Variants in PTPRD observed in about 807,000 individuals in gnomAD.
PTPRD encodes receptor-type tyrosine-protein phosphatase delta.
PTPRD carries 34 observed loss-of-function variants against 214.5 expected under a neutral mutation model. The ratio of observed to expected loss-of-function variants is 0.16; its 90% CI spans 0.12 to 0.21. The LOEUF (loss-of-function observed/expected upper bound fraction) is 0.21, where lower values mean the gene tolerates loss of function less well. PTPRD is among the 10% of genes least tolerant of loss of function. The pLI is 1.00. For synonymous variants in PTPRD, 1,128 were observed against 845.7 expected, an observed-to-expected ratio of 1.33 and a Z score of -5.79; for missense variants, 2,545 against 2,398.7, an observed-to-expected ratio of 1.06 and a Z score of -1.27.
intron 12 of PTPRD, among the ~76,000 whole-genome samples, chr9:8,657,518 C>A (rs2096936229): frequency 6.6e-6 from 1 of 152,134 alleles, no homozygotes; most frequent in Non-Finnish European, 1.5e-5. Flanking sequence ...TGTTTAATTT[C>A]CTTGTAGAGT....
At chr9:8,737,580 C>T (rs1264799134) in intron 11 of PTPRD, among the ~76,000 whole-genome samples, 1 of 151,634 alleles carries the variant, frequency 6.6e-6, no homozygotes. Context: ...TTTTACCTTA[C>T]TTCCATCACA....
intron 11 of PTPRD, among the ~76,000 whole-genome samples, chr9:8,844,441 T>A (rs2097645155): frequency 1.3e-5 from 2 of 152,118 alleles, no homozygotes; most frequent in South Asian, 4.2e-4. Flanking sequence ...TTATTTAATA[T>A]GAACAATAGT....
chr9:9,821,190 G>A (rs1347110479), intron 5 of PTPRD, among the ~76,000 whole-genome samples: 1 of 152,060 alleles, frequency 6.6e-6, no homozygotes, highest in African/African-American at 2.4e-5. Context: ...AAATGGTGTT[G>A]CATTCTTGAT....
intron 28 of PTPRD, 197 bp from the exon 29 acceptor site, chr9:8,485,521 C>A: frequency 1.6e-6 from 1 of 620,704 alleles, no homozygotes; most frequent in Non-Finnish European, 2.8e-6. Context: ...TCCAATTCAG[C>A]CAACTCTATT....
At chr9:9,900,640 G>GGTTTTTTTTTTGTTTTT (rs2153807076) in intron 5 of PTPRD, among the ~76,000 whole-genome samples, 3 of 107,664 alleles carry the variant, frequency 2.8e-5, no homozygotes, top group African/African-American at 1.5e-4. Context: ...CACATTTTCA[G>GGTTTTTTTTTTGTTTTT]GTTTTTTTTT....
intron 11 of PTPRD, among the ~76,000 whole-genome samples, chr9:8,837,877 G>A (rs954446704): frequency 2.0e-5 from 3 of 151,972 alleles, no homozygotes; most frequent in Admixed American, 6.5e-5. Flanking sequence ...TGTTTTATAA[G>A]AGAAAAGAAG....
At chr9:9,079,677 C>A (rs1236091857) in intron 10 of PTPRD, among the ~76,000 whole-genome samples, 2 of 152,044 alleles carry the variant, frequency 1.3e-5, no homozygotes, top group Non-Finnish European at 2.9e-5. Flanking sequence ...GGTGACATAA[C>A]CTTTGGCAGG....
intron 11 of PTPRD, among the ~76,000 whole-genome samples, chr9:8,969,955 A>G (rs2099226688): frequency 6.6e-6 from 1 of 151,994 alleles, no homozygotes; most frequent in African/African-American, 2.4e-5. Flanking sequence ...ATGGTGTGTT[A>G]TGAGAATGTA....
chr9:9,908,301 T>C (rs956510834), intron 5 of PTPRD, among the ~76,000 whole-genome samples: 1 of 151,882 alleles, frequency 6.6e-6, no homozygotes, highest in Non-Finnish European at 1.5e-5. Context: ...ACACTAATAG[T>C]ATCAATAGCT....
At chr9:9,628,734 C>A (rs565318360) in intron 7 of PTPRD, among the ~76,000 whole-genome samples, 1 of 151,972 alleles carries the variant, frequency 6.6e-6, no homozygotes. Flanking sequence ...TAACTATCTT[C>A]TCAGGTTTTT....
At chr9:8,785,250 C>T (rs1211920453) in intron 11 of PTPRD, among the ~76,000 whole-genome samples, 1 of 152,082 alleles carries the variant, frequency 6.6e-6, no homozygotes, top group Non-Finnish European at 1.5e-5. Flanking sequence ...GGGAAAAAAA[C>T]ACTAATCAAT....
intron 11 of PTPRD, among the ~76,000 whole-genome samples, chr9:8,756,165 A>G (rs2154471570): frequency 6.6e-6 from 1 of 152,318 alleles, no homozygotes; most frequent in African/African-American, 2.4e-5. Context: ...ACCAGATTCT[A>G]GACCAACTTC....
At chr9:9,136,958 C>G (rs1288979284) in intron 10 of PTPRD, among the ~76,000 whole-genome samples, 1 of 151,922 alleles carries the variant, frequency 6.6e-6, no homozygotes, top group African/African-American at 2.4e-5. Context: ...AACTAGATCT[C>G]CACTGGCAGT....
At chr9:9,208,284 G>A (rs1376797479) in intron 9 of PTPRD, among the ~76,000 whole-genome samples, 1 of 151,598 alleles carries the variant, frequency 6.6e-6, no homozygotes, top group Non-Finnish European at 1.5e-5. Context: ...AAAGTGCTGG[G>A]ATTACAGGCG....
intron 35 of PTPRD, among the ~76,000 whole-genome samples, chr9:8,406,093 G>A (rs949311887): frequency 6.6e-6 from 1 of 152,192 alleles, no homozygotes; most frequent in East Asian, 1.9e-4. Context: ...CAATCAATGA[G>A]CAGTATTCAG....
Position 8,314,586 on chromosome 9 carries a change from T to G in PTPRD, c.*3288A>C, listed in dbSNP as rs1467068636. 2 of 232,056 alleles carry G rather than the reference T, an allele frequency of 8.6e-6. No individual in the cohort carries two copies. The highest frequency in any genetic ancestry group is 1.7e-5 in the Non-Finnish European group (2 of 117,268). 14.4% of individuals were successfully genotyped at this position (232,056 alleles called of 1,614,324 possible). ...AGAATGGATCTGTAGCCTTCTGATCTCTGCTGGAGTATCAGGGCACCCATA... is the reference window on the plus strand; with the variant it reads ...AGAATGGATCTGTAGCCTTCTGATCGCTGCTGGAGTATCAGGGCACCCATA... On this transcript the variant is annotated 3_prime_UTR_variant, in exon 46 of 46. Coordinates refer to ENST00000381196, the MANE Select transcript of PTPRD (RefSeq NM_002839.4).
At chr9:8,995,664 T>C (rs1390401506) in intron 11 of PTPRD, among the ~76,000 whole-genome samples, 2 of 152,078 alleles carry the variant, frequency 1.3e-5, no homozygotes, top group Admixed American at 6.6e-5. Flanking sequence ...TCCCCTATCA[T>C]AGAGAGTGCC....
In PTPRD at chr9:8,400,447, G is replaced by C. The variant is rs141035007; in HGVS notation, c.4210+4090C>G. On this transcript the variant is annotated intron_variant, in intron 36 of 45. Coordinates refer to ENST00000381196, the MANE Select transcript of PTPRD (RefSeq NM_002839.4). Reference sequence around the variant, plus strand: ...TTGATGATTCCCATATTGTGTCCTTGCCTCAGGTTAGTCATGCCATAAAAT... The same window carrying C: ...TTGATGATTCCCATATTGTGTCCTTCCCTCAGGTTAGTCATGCCATAAAAT... 1.4e-3 allele frequency among the ~76,000 whole-genome samples: 219 copies of C among 152,240 alleles called. 1 individual carries two copies. The highest frequency in any genetic ancestry group is 3.4e-3 in the Middle Eastern group (1 of 294).
intron 5 of PTPRD, among the ~76,000 whole-genome samples, chr9:9,851,934 T>C (rs1042870548): frequency 2.4e-4 from 36 of 152,218 alleles, no homozygotes; most frequent in African/African-American, 8.7e-4. Flanking sequence ...ATGAGCTATT[T>C]ATATTCACTG....
Sources: gnomAD v4.1 joint callset for allele counts (sites outside exome capture counted in the v4.1 genomes callset) on GRCh38, gnomAD v4.1.1 for gene constraint, MANE v1.5 for transcripts, NCBI Gene and HGNC (gene_info 2026-07-23, HGNC 2026-07-21) for gene names.